Variants in NIPAL2 observed in about 807,000 individuals in gnomAD.
NIPAL2 encodes NIPA like domain containing 2.
In NIPAL2, 43 loss-of-function variants were observed where a neutral mutation model predicts 48.9. That is an observed-to-expected ratio of 0.88 (90% confidence interval 0.69 to 1.13). The LOEUF is 1.13. Among genes scored for constraint, NIPAL2 ranks in the 50% most tolerant of loss-of-function variants. The pLI is 0.00. For synonymous variants in NIPAL2, 167 were observed against 174.6 expected, an observed-to-expected ratio of 0.96 and a Z score of 0.34; for missense variants, 446 against 461.4, an observed-to-expected ratio of 0.97 and a Z score of 0.31.
intron 3 of NIPAL2, among the ~76,000 whole-genome samples, chr8:98,246,231 G>A (rs565789058): frequency 3.3e-5 from 5 of 152,252 alleles, no homozygotes; most frequent in South Asian, 2.1e-4. Context: ...TATGACCGTC[G>A]TCTAATGGAT....
At chr8:98,291,644 A>G (rs1357527056) in intron 1 of NIPAL2, among the ~76,000 whole-genome samples, 1 of 152,192 alleles carries the variant, frequency 6.6e-6, no homozygotes, top group Non-Finnish European at 1.5e-5. Context: ...ATGGAGCTCA[A>G]TAAACATCTT....
intron 4 of NIPAL2, among the ~76,000 whole-genome samples, chr8:98,234,507 T>C (rs949402664): frequency 6.6e-6 from 1 of 152,118 alleles, no homozygotes; most frequent in East Asian, 1.9e-4. Flanking sequence ...AAATAATATA[T>C]CTAGGACCTA....
Position 98,192,945 on chromosome 8 carries a change from G to C in NIPAL2, c.*33C>G. ...TGCAATTTTTTAAAAAGGTGGTATCGAATAACAGGCCAACAGCCATCCTTC... is the reference window on the plus strand; with the variant it reads ...TGCAATTTTTTAAAAAGGTGGTATCCAATAACAGGCCAACAGCCATCCTTC... On this transcript the variant is annotated 3_prime_UTR_variant, in exon 11 of 11. Coordinates refer to ENST00000430223, the MANE Select transcript of NIPAL2 (RefSeq NM_001321635.2). The C allele has an allele frequency of 7.2e-7, 1 of 1,386,414 alleles. No homozygotes were observed. Among genetic ancestry groups the C allele is most frequent in the Non-Finnish European group, 1.0e-6 (1 of 974,832 alleles). The allele number at this position is 1,386,414 out of a possible 1,614,324, so 85.9% of individuals were successfully genotyped here. A position where few individuals can be genotyped will look rare whatever the true frequency, so the allele number is the denominator to read the frequency against.
chr8:98,214,459 C>T (rs537904264), intron 5 of NIPAL2, among the ~76,000 whole-genome samples: 4 of 152,242 alleles, frequency 2.6e-5, no homozygotes, highest in East Asian at 3.9e-4. Flanking sequence ...CCACCGCACC[C>T]GGCCCAGGCT....
intron 1 of NIPAL2, among the ~76,000 whole-genome samples, chr8:98,280,108 C>G (rs528173975): frequency 6.6e-6 from 1 of 152,132 alleles, no homozygotes; most frequent in East Asian, 1.9e-4. Context: ...CATTGTGGAG[C>G]GAAAGCAGTG....
intron 8 of NIPAL2, among the ~76,000 whole-genome samples, chr8:98,196,428 G>C (rs1044582158): frequency 6.6e-6 from 1 of 152,206 alleles, no homozygotes; most frequent in Non-Finnish European, 1.5e-5. Flanking sequence ...CCTCAGGCCA[G>C]CTGCTGCCAC....
chr8:98,220,751 C>T lies in NIPAL2; in HGVS notation c.558+1728G>A, dbSNP rs945434267. Among the ~76,000 whole-genome samples the T allele has an allele frequency of 2.0e-5, 3 of 152,046 alleles. No individual in the cohort carries two copies. The East Asian group carries it at 5.8e-4, about 29-fold the overall frequency. On this transcript the variant is annotated intron_variant, in intron 5 of 10. Transcript: ENST00000430223. ...TCGCAACCATTTTACCAAACCGGTT[C>T]TTGGTTAAATACTCAGCTAGACTAT...
chr8:98,201,809 T>C (rs976524100), intron 8 of NIPAL2, among the ~76,000 whole-genome samples: 1 of 152,204 alleles, frequency 6.6e-6, no homozygotes, highest in Non-Finnish European at 1.5e-5. Context: ...CTTTAAATAT[T>C]AAGTTTCAAT....
Position 98,205,223 on chromosome 8 carries a change from T to G in NIPAL2, c.679A>C (p.Lys227Gln). The change falls in exon 7 of 11, where the codon AAG becomes CAG. Residue 227 changes from lysine (K) to glutamine (Q), a missense_variant. Lys to Gln is a moderately conservative substitution (Grantham distance 53). Coordinates refer to ENST00000430223, the MANE Select transcript of NIPAL2 (RefSeq NM_001321635.2). ...AAAGTGATCATGCCTGAGACGGCCTTTACTGAAATAACAGTCAATGAGGCT... is the reference window on the plus strand; with the variant it reads ...AAAGTGATCATGCCTGAGACGGCCTGTACTGAAATAACAGTCAATGAGGCT... ...ILASLTVISV[K>Q]AVSGMITFSV... 9 of 1,613,036 alleles carry G rather than the reference T, an allele frequency of 5.6e-6. No homozygotes were observed. Among genetic ancestry groups the G allele is most frequent in the Non-Finnish European group, 7.6e-6 (9 of 1,179,748 alleles).
intron 1 of NIPAL2, among the ~76,000 whole-genome samples, chr8:98,283,190 C>T (rs1329116233): frequency 3.3e-5 from 5 of 152,254 alleles, no homozygotes; most frequent in African/African-American, 1.2e-4. Context: ...ATTGTACATT[C>T]TTTGTTTTTA....
intron 1 of NIPAL2, among the ~76,000 whole-genome samples, chr8:98,262,253 G>A (rs1242803984): frequency 6.6e-6 from 1 of 152,000 alleles, no homozygotes; most frequent in African/African-American, 2.4e-5. Flanking sequence ...ACATCATAAC[G>A]ACAGGATCAA....
At chr8:98,266,969 C>T (rs1157748484) in intron 1 of NIPAL2, among the ~76,000 whole-genome samples, 2 of 150,066 alleles carry the variant, frequency 1.3e-5, no homozygotes, top group East Asian at 3.9e-4. Context: ...ATAAATGGTT[C>T]CTTTAAAAAA....
At chr8:98,209,958 A>C (rs1811229594) in intron 6 of NIPAL2, among the ~76,000 whole-genome samples, 1 of 151,944 alleles carries the variant, frequency 6.6e-6, no homozygotes, top group South Asian at 2.1e-4. Flanking sequence ...AGTTATTTTC[A>C]TTAAAAAATA....
chr8:98,200,515 GTTTA>G (rs1181042909), intron 8 of NIPAL2, among the ~76,000 whole-genome samples: 10 of 151,844 alleles, frequency 6.6e-5, no homozygotes, highest in South Asian at 2.1e-4. Context: ...ACCACATTTT[GTTTA>G]TTTATTCATC....
In NIPAL2 at chr8:98,293,988, C is replaced by T. The variant is rs1159608522; in HGVS notation, c.135+15G>A. Reference sequence around the variant, plus strand: ...CGTCCCCACCGGGCTGCGGTGGCTGCGGGGCGGCCCTTACCTGGTTCCTGC... The same window carrying T: ...CGTCCCCACCGGGCTGCGGTGGCTGTGGGGCGGCCCTTACCTGGTTCCTGC... On this transcript the variant is annotated intron_variant, in intron 1 of 10. Coordinates refer to ENST00000430223, the MANE Select transcript of NIPAL2 (RefSeq NM_001321635.2). 2.8e-6 allele frequency: 4 copies of T among 1,447,176 alleles called. No individual in the cohort carries two copies. Among genetic ancestry groups the T allele is most frequent in the Non-Finnish European group, 2.7e-6 (3 of 1,097,350 alleles). The allele number at this position is 1,447,176 out of a possible 1,614,324, so 89.6% of individuals were successfully genotyped here.
At chr8:98,234,939 T>C (rs1179646164) in intron 4 of NIPAL2, among the ~76,000 whole-genome samples, 3 of 152,178 alleles carry the variant, frequency 2.0e-5, no homozygotes, top group Non-Finnish European at 2.9e-5. Flanking sequence ...AAAAATAATA[T>C]GTTGGAAGAG....
At chr8:98,256,476 A>T (rs1033328210) in intron 1 of NIPAL2, among the ~76,000 whole-genome samples, 2 of 152,218 alleles carry the variant, frequency 1.3e-5, no homozygotes, top group Non-Finnish European at 2.9e-5. Context: ...TCCTGATTAA[A>T]AAATGGGCAA....
At chr8:98,266,209 C>G (rs1216228431) in intron 1 of NIPAL2, among the ~76,000 whole-genome samples, 1 of 149,960 alleles carries the variant, frequency 6.7e-6, no homozygotes, top group Non-Finnish European at 1.5e-5. Context: ...GTGCAGTGCA[C>G]CAGCATGGCA....
chr8:98,223,600 A>G (rs1319282), intron 4 of NIPAL2, among the ~76,000 whole-genome samples: 9,087 of 152,308 alleles, frequency 0.06, 369 homozygotes, highest in Middle Eastern at 0.13. Context: ...AAGTCTCACA[A>G]TTTGAAGGCA....
Sources: gnomAD v4.1 joint callset for allele counts (sites outside exome capture counted in the v4.1 genomes callset) on GRCh38, gnomAD v4.1.1 for gene constraint, MANE v1.5 for transcripts, NCBI Gene and HGNC (gene_info 2026-07-23, HGNC 2026-07-21) for gene names.